Variants in VWC2 observed in about 807,000 individuals in gnomAD.
VWC2 encodes the protein von Willebrand factor C domain containing 2.
Under a neutral mutation model 29.8 loss-of-function variants are expected in VWC2, and 14 were observed. The observed-to-expected ratio is 0.47, with a 90% CI of 0.31 to 0.74. The LOEUF is 0.74. Ranked by LOEUF, VWC2 falls within the 30% of genes least tolerant of loss-of-function variation. The pLI is 0.05. For missense variants in VWC2, 457 were observed against 459.8 expected, an observed-to-expected ratio of 0.99 and a Z score of 0.05; for synonymous variants, 213 against 199.0, an observed-to-expected ratio of 1.07 and a Z score of -0.59.
At chr7:49,858,114 C>T (rs1264993659) in intron 3 of VWC2, among the ~76,000 whole-genome samples, 1 of 152,220 alleles carries the variant, frequency 6.6e-6, no homozygotes, top group Non-Finnish European at 1.5e-5. Context: ...GTCCCACCAA[C>T]AGTGTAAAAG....
In VWC2 at chr7:49,775,420, C is replaced by CCG; in HGVS notation, c.-16_-15insCG. ...CCGCGCTCCCCGCCCGCCCGCCCGC[C>CCG]GGGACGTGGTAGGGGATGCCCAGCT... On this transcript the variant is annotated 5_prime_UTR_variant, in exon 2 of 4. It removes the in-frame stop codon of an upstream open reading frame in the 5' UTR. Coordinates refer to ENST00000340652, the MANE Select transcript of VWC2 (RefSeq NM_198570.5). The CCG allele has an allele frequency of 3.0e-6, 4 of 1,337,464 alleles. No individual in the cohort carries two copies. Among genetic ancestry groups the CCG allele is most frequent in the Non-Finnish European group, 3.8e-6 (4 of 1,045,414 alleles). The allele number at this position is 1,337,464 out of a possible 1,614,324, so 82.8% of individuals were successfully genotyped here.
chr7:49,855,592 G>A (rs1030383294), intron 3 of VWC2, among the ~76,000 whole-genome samples: 6 of 152,202 alleles, frequency 3.9e-5, no homozygotes, highest in African/African-American at 9.6e-5. Context: ...GGTAGGTAGC[G>A]TCCCTTTAAG....
intron 3 of VWC2, among the ~76,000 whole-genome samples, chr7:49,841,647 A>G (rs1789795329): frequency 6.6e-6 from 1 of 152,174 alleles, no homozygotes. Context: ...TGTGGGACAC[A>G]CTCAGGGAGG....
chr7:49,877,893 A>G (rs1791510391), intron 3 of VWC2, among the ~76,000 whole-genome samples: 1 of 152,044 alleles, frequency 6.6e-6, no homozygotes, highest in Non-Finnish European at 1.5e-5. Flanking sequence ...CTGACCTTGC[A>G]TCTGGGCAAA....
intron 3 of VWC2, among the ~76,000 whole-genome samples, chr7:49,868,650 C>T (rs1017501134): frequency 1.3e-5 from 2 of 152,180 alleles, no homozygotes; most frequent in Non-Finnish European, 2.9e-5. Context: ...TGAAGTCTTG[C>T]TCTGTCACCT....
At chr7:49,850,013 C>G (rs892547231) in intron 3 of VWC2, among the ~76,000 whole-genome samples, 4 of 152,088 alleles carry the variant, frequency 2.6e-5, no homozygotes, top group Non-Finnish European at 5.9e-5. Flanking sequence ...TGCCACTGCA[C>G]AGTGCACAGG....
At chr7:49,774,157 TG>T (rs1787999052) in intron 1 of VWC2, 44 bp downstream of exon 1, 1 of 152,416 alleles carries the variant, frequency 6.6e-6, no homozygotes, top group Admixed American at 6.5e-5. Flanking sequence ...GGGTGCATGC[TG>T]GGTGTCCCCG....
chr7:49,829,988 G>C (rs75136704), intron 3 of VWC2, among the ~76,000 whole-genome samples: 1 of 152,282 alleles, frequency 6.6e-6, no homozygotes. Flanking sequence ...GATCTCTATT[G>C]CTGCTTAGGA....
intron 2 of VWC2, among the ~76,000 whole-genome samples, chr7:49,776,763 G>A (rs1583617572): frequency 6.6e-6 from 1 of 152,174 alleles, no homozygotes; most frequent in East Asian, 1.9e-4. Flanking sequence ...AATGCCTACT[G>A]TGCGTCAGGA....
chr7:49,805,717 TCA>T (rs946165947), intron 3 of VWC2, among the ~76,000 whole-genome samples: 2 of 152,228 alleles, frequency 1.3e-5, no homozygotes, highest in African/African-American at 4.8e-5. Context: ...GTTTGATATA[TCA>T]CAGATTAGAG....
chr7:49,814,366 A>G (rs1181226817), intron 3 of VWC2, among the ~76,000 whole-genome samples: 1 of 152,184 alleles, frequency 6.6e-6, no homozygotes, highest in Non-Finnish European at 1.5e-5. Context: ...CATTTCTGAC[A>G]AACTAGATAA....
At chr7:49,819,863 G>A (rs886437741) in intron 3 of VWC2, among the ~76,000 whole-genome samples, 1 of 152,130 alleles carries the variant, frequency 6.6e-6, no homozygotes. Flanking sequence ...TGGTAGAGGG[G>A]GACAAGTAGG....
chr7:49,790,293 C>A (rs573694100), intron 2 of VWC2, among the ~76,000 whole-genome samples: 1 of 152,278 alleles, frequency 6.6e-6, no homozygotes, highest in East Asian at 1.9e-4. Flanking sequence ...GAGAAGAAAG[C>A]TGTATTGCCT....
intron 3 of VWC2, among the ~76,000 whole-genome samples, chr7:49,900,006 G>T (rs186801501): frequency 6.6e-6 from 1 of 151,890 alleles, no homozygotes; most frequent in Admixed American, 6.6e-5. Flanking sequence ...TTAGATATCA[G>T]TAATAGAAAG....
At chr7:49,816,433 C>T (rs1789145967) in intron 3 of VWC2, among the ~76,000 whole-genome samples, 1 of 152,138 alleles carries the variant, frequency 6.6e-6, no homozygotes, top group Non-Finnish European at 1.5e-5. Context: ...AAGTCAACTG[C>T]ACTTCATGGT....
At chr7:49,808,814 G>A (rs1788932594) in intron 3 of VWC2, among the ~76,000 whole-genome samples, 1 of 152,010 alleles carries the variant, frequency 6.6e-6, no homozygotes, top group African/African-American at 2.4e-5. Context: ...AGAGATTTTA[G>A]AAAATGCTTT....
chr7:49,795,899 TCA>T (rs1788577854), intron 2 of VWC2, among the ~76,000 whole-genome samples: 1 of 152,122 alleles, frequency 6.6e-6, no homozygotes, highest in South Asian at 2.1e-4. Flanking sequence ...GTTAAGAACC[TCA>T]GTGATAGATC....
In VWC2 at chr7:49,804,995, T is replaced by C. The variant is rs1788841188; in HGVS notation, c.826+2155T>C. On this transcript the variant is annotated intron_variant, in intron 3 of 3. Coordinates refer to ENST00000340652, the MANE Select transcript of VWC2 (RefSeq NM_198570.5). ...TAGAGCATACAGTCAGAGAACTACATTGAGCAGTTACTTGAATTAATACTT... is the reference window on the plus strand; with the variant it reads ...TAGAGCATACAGTCAGAGAACTACACTGAGCAGTTACTTGAATTAATACTT... Among the ~76,000 whole-genome samples, 5 of 152,354 alleles carry C rather than the reference T, an allele frequency of 3.3e-5. No individual in the cohort carries two copies. In the South Asian group the frequency reaches 1.0e-3, roughly 32 times the overall value.
intron 3 of VWC2, among the ~76,000 whole-genome samples, chr7:49,876,406 T>C (rs973145541): frequency 6.6e-6 from 1 of 152,146 alleles, no homozygotes; most frequent in African/African-American, 2.4e-5. Flanking sequence ...CGTTTCCACA[T>C]CTATAGTGTG....
Sources: gnomAD v4.1 joint callset for allele counts (sites outside exome capture counted in the v4.1 genomes callset) on GRCh38, gnomAD v4.1.1 for gene constraint, MANE v1.5 for transcripts, NCBI Gene and HGNC (gene_info 2026-07-23, HGNC 2026-07-21) for gene names.